LRP1B: variants seen among roughly 807,000 people sequenced by gnomAD.
LRP1B encodes low-density lipoprotein receptor-related protein 1B.
A neutral mutation model predicts 556.6 loss-of-function variants in LRP1B; 217 were observed. That is an observed-to-expected ratio of 0.39 (90% confidence interval 0.35 to 0.44). LRP1B has a LOEUF of 0.44. LRP1B is among the 20% of genes least tolerant of loss of function. LRP1B has a pLI of 1.00. For missense variants in LRP1B, 5,053 were observed against 5,620.8 expected (o/e 0.90, Z 3.23); for synonymous variants, 2,047 against 1,865.8 (o/e 1.10, Z -2.50).
chr2:141,526,863 C>T (rs1684708868), intron 2 of LRP1B, among the ~76,000 whole-genome samples: 1 of 151,924 alleles, frequency 6.6e-6, no homozygotes, highest in Non-Finnish European at 1.5e-5. Flanking sequence ...GTATATGAAC[C>T]ATTTAGATAA....
At chr2:140,932,111 A>G (rs961027877) in intron 20 of LRP1B, among the ~76,000 whole-genome samples, 2 of 152,206 alleles carry the variant, frequency 1.3e-5, no homozygotes, top group African/African-American at 4.8e-5. Flanking sequence ...GCATAAGCAC[A>G]TACTTATGAG....
chr2:140,784,211 C>A (rs1452617008), intron 32 of LRP1B, among the ~76,000 whole-genome samples: 1 of 152,054 alleles, frequency 6.6e-6, no homozygotes, highest in Non-Finnish European at 1.5e-5. Flanking sequence ...GGGTTAAGAA[C>A]CACAGACCTA....
intron 56 of LRP1B, among the ~76,000 whole-genome samples, chr2:140,494,102 G>A (rs1236009661): frequency 6.6e-6 from 1 of 152,052 alleles, no homozygotes; most frequent in African/African-American, 2.4e-5. Context: ...CAAGATTTAT[G>A]CTTTAACAAG....
intron 41 of LRP1B, among the ~76,000 whole-genome samples, chr2:140,622,312 A>G (rs905097581): frequency 4.6e-5 from 7 of 152,174 alleles, no homozygotes; most frequent in African/African-American, 1.7e-4. Flanking sequence ...TGCATAAACA[A>G]TGTATTCATT....
intron 8 of LRP1B, among the ~76,000 whole-genome samples, chr2:141,059,984 C>T (rs934298535): frequency 2.6e-5 from 4 of 151,708 alleles, no homozygotes; most frequent in Admixed American, 2.0e-4. Flanking sequence ...TCACTACTTT[C>T]GGCATTATAT....
At position 140,654,078 on chromosome 2, in the gene LRP1B, A is replaced by C. The variant is rs1684787684; in HGVS notation, c.6799+46172T>G. On this transcript the variant is annotated intron_variant, in intron 41 of 90. Transcript: ENST00000389484. ...AGAGAGAGTTTAACTACATTTGGGG[A>C]ATAGTAATGTGGACAGGGAAATACT... Among the ~76,000 whole-genome samples the C allele has an allele frequency of 2.0e-5, 3 of 150,664 alleles. No homozygotes were observed. The South Asian group carries it at 6.3e-4, about 32-fold the overall frequency.
chr2:140,725,828 T>C (rs1460286003), intron 35 of LRP1B, among the ~76,000 whole-genome samples: 2 of 152,104 alleles, frequency 1.3e-5, no homozygotes, highest in East Asian at 3.9e-4. Flanking sequence ...CTTCTTCATC[T>C]CAATTTATCA....
intron 22 of LRP1B, among the ~76,000 whole-genome samples, chr2:140,905,228 CT>C (rs1161934976): frequency 6.6e-6 from 1 of 152,036 alleles, no homozygotes; most frequent in African/African-American, 2.4e-5. Flanking sequence ...CACCGCCCCC[CT>C]CCCCAAGCCC....
At chr2:141,931,032 T>C (rs1025639006) in intron 1 of LRP1B, among the ~76,000 whole-genome samples, 8 of 152,040 alleles carry the variant, frequency 5.3e-5, no homozygotes, top group African/African-American at 1.9e-4. Context: ...ACATGACCAA[T>C]ACACATGAAT....
At chr2:141,875,095 G>A (rs1458044816) in intron 1 of LRP1B, among the ~76,000 whole-genome samples, 1 of 151,406 alleles carries the variant, frequency 6.6e-6, no homozygotes, top group African/African-American at 2.4e-5. Context: ...TATATATTGT[G>A]ATGTATATAT....
At chr2:141,713,286 C>T (rs1310827851) in intron 2 of LRP1B, among the ~76,000 whole-genome samples, 3 of 152,040 alleles carry the variant, frequency 2.0e-5, no homozygotes, top group Non-Finnish European at 4.4e-5. Flanking sequence ...CTTTTAATTG[C>T]TTCTGAATCT....
intron 2 of LRP1B, among the ~76,000 whole-genome samples, chr2:141,689,044 C>A (rs527772756): frequency 8.7e-4 from 132 of 151,908 alleles, no homozygotes; most frequent in African/African-American, 3.1e-3. Context: ...AAAGTGCTGT[C>A]TCTCCCTCTT....
intron 17 of LRP1B, among the ~76,000 whole-genome samples, chr2:140,984,238 A>G (rs1402904673): frequency 6.6e-6 from 1 of 151,958 alleles, no homozygotes; most frequent in African/African-American, 2.4e-5. Flanking sequence ...GAAATTTAAT[A>G]ACAGAATTTT....
chr2:140,851,011 A>G (rs1225720394), intron 28 of LRP1B, among the ~76,000 whole-genome samples: 1 of 152,100 alleles, frequency 6.6e-6, no homozygotes, highest in Non-Finnish European at 1.5e-5. Flanking sequence ...AGCTACATGT[A>G]CCTAAACTCC....
intron 66 of LRP1B, among the ~76,000 whole-genome samples, chr2:140,442,055 GC>G (rs1239778785): frequency 1.3e-5 from 2 of 151,978 alleles, no homozygotes; most frequent in Admixed American, 6.6e-5. Flanking sequence ...TGGAACAGAT[GC>G]TTTTTATTAT....
intron 56 of LRP1B, among the ~76,000 whole-genome samples, chr2:140,493,801 G>T (rs936882337): frequency 6.6e-6 from 1 of 151,974 alleles, no homozygotes; most frequent in Non-Finnish European, 1.5e-5. Context: ...AATACCAAAG[G>T]TATGACATTA....
intron 1 of LRP1B, among the ~76,000 whole-genome samples, chr2:141,867,973 T>A (rs1698466967): frequency 6.6e-6 from 1 of 152,166 alleles, no homozygotes; most frequent in South Asian, 2.1e-4. Flanking sequence ...GGGAAATAAC[T>A]GAAACATTAA....
At chr2:141,519,360 G>GAGATATATATATAT (rs1366593169) in intron 2 of LRP1B, among the ~76,000 whole-genome samples, 6 of 68,322 alleles carry the variant, frequency 8.8e-5, no homozygotes, top group African/African-American at 3.4e-4. Flanking sequence ...TTAAGTCAAT[G>GAGATATATATATAT]ATATATATAT....
At chr2:140,456,657 T>C in intron 61 of LRP1B, 54 bp from the exon 62 acceptor site, 1 of 1,515,442 alleles carries the variant, frequency 6.6e-7, no homozygotes, top group Non-Finnish European at 9.0e-7. Context: ...AGACTAATAA[T>C]ATAACATGGG....
Sources: allele counts gnomAD v4.1 joint callset (sites outside exome capture counted in the v4.1 genomes callset), GRCh38; gene constraint gnomAD v4.1.1; transcripts MANE v1.5; gene names NCBI Gene and HGNC (gene_info 2026-07-23, HGNC 2026-07-21).